HDAC11: variants seen among roughly 807,000 people sequenced by gnomAD.
HDAC11 encodes histone deacetylase 11.
HDAC11 carries 23 observed loss-of-function variants against 41.1 expected under a neutral mutation model. The ratio of observed to expected loss-of-function variants is 0.56; its 90% CI spans 0.40 to 0.79. HDAC11 has a LOEUF of 0.79. Among genes scored for constraint, HDAC11 ranks in the 30% least tolerant of loss-of-function variants. The pLI is 0.00. For synonymous variants in HDAC11, 187 were observed against 186.6 expected, an observed-to-expected ratio of 1.00 and a Z score of -0.02; for missense variants, 402 against 477.3, an observed-to-expected ratio of 0.84 and a Z score of 1.47.
Position 13,480,442 on chromosome 3 carries a change from G to T in HDAC11, c.2+93G>T, listed in dbSNP as rs1701250512. ...AGGGCGGGGACGGCCGGGCGGGCGC[G>T]CCAGGTAAGGGCCCAGATTTGCTGG... On this transcript the variant is annotated intron_variant, in intron 1 of 9. Transcript: ENST00000295757. This position sits in a 1 kb window ranked among gnomAD's most constrained non-coding sequence, Gnocchi z 4.6. 6.4e-6 allele frequency: 5 copies of T among 784,496 alleles called. No homozygotes were observed. The Admixed American group carries it at 1.4e-4, about 22-fold the overall frequency. 48.6% of individuals were successfully genotyped at this position (784,496 alleles called of 1,614,324 possible). A position where few individuals can be genotyped will look rare whatever the true frequency, so the allele number is the denominator to read the frequency against.
At position 13,481,177 on chromosome 3, in the gene HDAC11, G is replaced by A. The variant is rs7616536; in HGVS notation, c.3-69G>A. The A allele has an allele frequency of 2.6e-3, 3,989 of 1,525,248 alleles. 89 individuals are homozygous for A. In the African/African-American group the frequency reaches 0.049, roughly 19 times the overall value. The allele number at this position is 1,525,248 out of a possible 1,614,324, so 94.5% of individuals were successfully genotyped here. Reference sequence around the variant, plus strand: ...CAATGGCTGGTGGGTCAGTCCAGGCGGGCTCGGGAGGGAGCTGCTTTCTGC... The same window carrying A: ...CAATGGCTGGTGGGTCAGTCCAGGCAGGCTCGGGAGGGAGCTGCTTTCTGC... On this transcript the variant is annotated intron_variant, in intron 1 of 9. Transcript: ENST00000295757.
Position 13,505,955 on chromosome 3 carries a change from C to G in HDAC11, c.*1272C>G, listed in dbSNP as rs898314641. The G allele has an allele frequency of 6.6e-6, 1 of 152,224 alleles. No individual in the cohort carries two copies. The highest frequency in any genetic ancestry group is 2.4e-5 in the African/African-American group (1 of 41,426). The allele number at this position is 152,224 out of a possible 1,614,324, so 9.4% of individuals were successfully genotyped here. On this transcript the variant is annotated 3_prime_UTR_variant, in exon 10 of 10. Transcript: ENST00000295757. ...AGGGAAAGTGGGTCCATTGAGGTGGCCCTGCTCCATCAGCCCCCTACGGGA... is the reference window on the plus strand; with the variant it reads ...AGGGAAAGTGGGTCCATTGAGGTGGGCCTGCTCCATCAGCCCCCTACGGGA...
At position 13,483,556 on chromosome 3, in the gene HDAC11, G is replaced by A. The variant is rs751527326; in HGVS notation, c.244G>A (p.Glu82Lys). ...LVVHTRRYLN[E>K]LKWSFAVATI... ...GGTGCACACGAGGCGCTATCTTAAT[G>A]AGCTCAAGGTACAGGATGTCGGGCC... Residue 82 changes from glutamate to lysine, a missense_variant, in exon 3 of 10, where the codon GAG (glutamate) becomes AAG (lysine). Coordinates refer to ENST00000295757, the MANE Select transcript of HDAC11 (RefSeq NM_024827.4). 6.2e-7 allele frequency: 1 copy of A among 1,612,442 alleles called. No homozygotes were observed. Among genetic ancestry groups the A allele is most frequent in the Non-Finnish European group, 8.5e-7 (1 of 1,178,894 alleles).
chr3:13,484,612 C>T (rs566060184), intron 3 of HDAC11, among the ~76,000 whole-genome samples: 9 of 152,256 alleles, frequency 5.9e-5, no homozygotes, highest in Admixed American at 2.6e-4. Context: ...CTGTAACCTC[C>T]GCCTCCCGGG....
At chr3:13,500,027 A>G (rs887212108) in intron 5 of HDAC11, among the ~76,000 whole-genome samples, 11 of 152,112 alleles carry the variant, frequency 7.2e-5, no homozygotes, top group African/African-American at 2.2e-4. Flanking sequence ...TCAGTTGCTC[A>G]GTCAGGTGTT....
intron 3 of HDAC11, among the ~76,000 whole-genome samples, chr3:13,485,808 C>T (rs375114195): frequency 4.6e-5 from 7 of 151,172 alleles, no homozygotes; most frequent in East Asian, 1.9e-4. Context: ...AAAGTATTAA[C>T]AGGTAGAGTC....
intron 3 of HDAC11, among the ~76,000 whole-genome samples, chr3:13,495,691 C>T (rs1161601013): frequency 6.6e-6 from 1 of 152,216 alleles, no homozygotes; most frequent in African/African-American, 2.4e-5. Context: ...AGACCAGGCC[C>T]TGTGTGATAA....
intron 8 of HDAC11, among the ~76,000 whole-genome samples, chr3:13,503,621 CA>C (rs1702474954): frequency 6.6e-6 from 1 of 152,220 alleles, no homozygotes; most frequent in South Asian, 2.1e-4. Context: ...TTAAACTCAT[CA>C]ATCAAAAGGC....
intron 3 of HDAC11, among the ~76,000 whole-genome samples, chr3:13,487,495 A>T (rs972234941): frequency 6.6e-6 from 1 of 152,248 alleles, no homozygotes; most frequent in African/African-American, 2.4e-5. Flanking sequence ...CAAGATGTCA[A>T]TTCAGGGAAA....
At chr3:13,490,736 A>ATTTTTTTTTTTTTT (rs796300897) in intron 3 of HDAC11, among the ~76,000 whole-genome samples, 1 of 75,606 alleles carries the variant, frequency 1.3e-5, no homozygotes, top group South Asian at 3.8e-4. Context: ...GTTTCTTAGC[A>ATTTTTTTTTTTTTT]TTTTTTTCTT....
chr3:13,490,778 GTC>G (rs1281520732), intron 3 of HDAC11, among the ~76,000 whole-genome samples: 1 of 99,918 alleles, frequency 1.0e-5, no homozygotes, highest in East Asian at 3.4e-4. Flanking sequence ...TTTAGACAGA[GTC>G]TCTCTCTGTT....
chr3:13,480,317 T>C lies in HDAC11; in HGVS notation c.-31T>C. 8.1e-7 allele frequency: 1 copy of C among 1,233,084 alleles called. No individual in the cohort carries two copies. Among genetic ancestry groups the C allele is most frequent in the Non-Finnish European group, 1.0e-6 (1 of 988,602 alleles). The allele number at this position is 1,233,084 out of a possible 1,614,324, so 76.4% of individuals were successfully genotyped here. A position where few individuals can be genotyped will look rare whatever the true frequency, so the allele number is the denominator to read the frequency against. ...GCCCCGCCCCGCCCGGTCGCGGAGC[T>C]GCGGCCAGCTTTGGGAGGGCCGGCC... On this transcript the variant is annotated 5_prime_UTR_variant, in exon 1 of 10. Coordinates refer to ENST00000295757, the MANE Select transcript of HDAC11 (RefSeq NM_024827.4). The surrounding 1 kb of genome is among the most constrained non-coding windows in gnomAD (Gnocchi z 4.6).
chr3:13,486,284 A>G (rs1204979445), intron 3 of HDAC11, among the ~76,000 whole-genome samples: 6 of 150,910 alleles, frequency 4.0e-5, no homozygotes, highest in Non-Finnish European at 7.4e-5. Flanking sequence ...AAAAAAAAAA[A>G]AAAAAGAAAA....
chr3:13,500,891 C>T, intron 6 of HDAC11, 102 bp downstream of exon 6: 1 of 912,844 alleles, frequency 1.1e-6, no homozygotes, highest in Non-Finnish European at 1.6e-6. Context: ...AGACAAGGGG[C>T]CTATGCTGGA....
intron 3 of HDAC11, among the ~76,000 whole-genome samples, chr3:13,486,086 G>A (rs962499695): frequency 1.1e-4 from 16 of 151,902 alleles, no homozygotes; most frequent in Non-Finnish European, 1.9e-4. Context: ...TGGCCAACAT[G>A]GAGAAACCCT....
intron 9 of HDAC11, 24 bp from the exon 10 acceptor site, chr3:13,504,444 G>A (rs1408619332): frequency 1.2e-6 from 2 of 1,612,034 alleles, no homozygotes; most frequent in Non-Finnish European, 8.5e-7. Context: ...GCCTGCCTGA[G>A]TCACCCTCCT....
intron 2 of HDAC11, among the ~76,000 whole-genome samples, chr3:13,483,055 C>T (rs1415442025): frequency 6.7e-6 from 1 of 150,076 alleles, no homozygotes; most frequent in Non-Finnish European, 1.5e-5. Flanking sequence ...CTGGCCAAGA[C>T]CCTGTCTCTT....
intron 3 of HDAC11, among the ~76,000 whole-genome samples, chr3:13,496,026 G>A (rs1702080783): frequency 1.3e-5 from 2 of 152,248 alleles, no homozygotes; most frequent in South Asian, 4.1e-4. Flanking sequence ...TGGGTGGGGA[G>A]CAGGGATGCG....
chr3:13,481,179 G>T, intron 1 of HDAC11, 67 bp from the exon 2 acceptor site: 1 of 1,533,016 alleles, frequency 6.5e-7, no homozygotes, highest in Non-Finnish European at 8.8e-7. Flanking sequence ...GTCCAGGCGG[G>T]CTCGGGAGGG....
Sources: allele counts gnomAD v4.1 joint callset (sites outside exome capture counted in the v4.1 genomes callset), GRCh38; gene constraint gnomAD v4.1.1; non-coding constraint Gnocchi (gnomAD v3.1); transcripts MANE v1.5; gene names NCBI Gene and HGNC (gene_info 2026-07-23, HGNC 2026-07-21).